Variants in DPYSL2 observed in about 807,000 individuals in gnomAD.
DPYSL2 encodes the protein dihydropyrimidinase like 2.
A neutral mutation model predicts 69.9 loss-of-function variants in DPYSL2; 13 were observed. That is an observed-to-expected ratio of 0.19 (90% CI 0.12 to 0.30). The LOEUF is 0.30. DPYSL2 is among the 10% of genes least tolerant of loss of function. The probability of loss-of-function intolerance (pLI) is 1.00; values close to 1 mark genes in which losing one functional copy is unlikely to be tolerated. For missense variants in DPYSL2, 587 were observed against 918.9 expected, an observed-to-expected ratio of 0.64 and a Z score of 4.67; for synonymous variants, 326 against 359.1, an observed-to-expected ratio of 0.91 and a Z score of 1.04.
At chr8:26,567,161 CAT>C (rs1429077072) in intron 1 of DPYSL2, among the ~76,000 whole-genome samples, 2 of 150,280 alleles carry the variant, frequency 1.3e-5, no homozygotes, top group Non-Finnish European at 3.0e-5. Context: ...TCTGCCCATC[CAT>C]CCATCCATCC....
chr8:26,541,493 C>T (rs1304770444), intron 1 of DPYSL2, among the ~76,000 whole-genome samples: 1 of 152,172 alleles, frequency 6.6e-6, no homozygotes. Context: ...AACACACACA[C>T]ATAAGCATAT....
rs1801091773 is a variant in DPYSL2 at position 26,562,651 on chromosome 8, G to A, written c.355-19318G>A. Among the ~76,000 whole-genome samples the A allele has an allele frequency of 1.3e-5, 2 of 152,104 alleles. No homozygotes were observed. The highest frequency in any genetic ancestry group is 4.8e-5 in the African/African-American group (2 of 41,398). ...GGTCCCTGCCTGCTGCTTTAACTTCGGTTGTACAAAGCAGATGTTACTGTG... is the reference window on the plus strand; with the variant it reads ...GGTCCCTGCCTGCTGCTTTAACTTCAGTTGTACAAAGCAGATGTTACTGTG... On this transcript the variant is annotated intron_variant, in intron 1 of 13. Coordinates refer to ENST00000521913, the MANE Select transcript of DPYSL2 (RefSeq NM_001197293.3). The surrounding 1 kb of genome is among the most constrained non-coding windows in gnomAD (Gnocchi z 4.9).
chr8:26,573,666 CAA>C (rs11437407), intron 1 of DPYSL2, among the ~76,000 whole-genome samples: 10,554 of 95,034 alleles, frequency 0.11, 497 homozygotes, highest in Middle Eastern at 0.19. Context: ...AAGACTGTCT[CAA>C]AAAAAAAAAA....
Position 26,644,777 on chromosome 8 carries a change from T to C in DPYSL2, c.1425+686T>C, listed in dbSNP as rs1219292680. 6.6e-6 allele frequency among the ~76,000 whole-genome samples: 1 copy of C among 152,158 alleles called. No individual in the cohort carries two copies. Among genetic ancestry groups the C allele is most frequent in the Non-Finnish European group, 1.5e-5 (1 of 68,020 alleles). Reference sequence around the variant, plus strand: ...TGGGCTCAATTTCCTTAAAAGTGTCTTTTAGGGCTCTCTGGACTTAGCATG... The same window carrying C: ...TGGGCTCAATTTCCTTAAAAGTGTCCTTTAGGGCTCTCTGGACTTAGCATG... On this transcript the variant is annotated intron_variant, in intron 10 of 13. Coordinates refer to ENST00000521913, the MANE Select transcript of DPYSL2 (RefSeq NM_001197293.3). The surrounding 1 kb of genome is among the most constrained non-coding windows in gnomAD (Gnocchi z 4.5).
rs561106059 is a variant in DPYSL2 at position 26,526,196 on chromosome 8, G to A, written c.354+11517G>A. Reference sequence around the variant, plus strand: ...TGCAACCGCTGCCTCCTGGGTTCAAGCGATTCTCCTGCCTCAGCCTCCCAA... The same window carrying A: ...TGCAACCGCTGCCTCCTGGGTTCAAACGATTCTCCTGCCTCAGCCTCCCAA... On this transcript the variant is annotated intron_variant, in intron 1 of 13. Transcript: ENST00000521913. 4.6e-5 allele frequency among the ~76,000 whole-genome samples: 7 copies of A among 152,298 alleles called. No homozygotes were observed. In the South Asian group the frequency reaches 1.5e-3, roughly 32 times the overall value.
chr8:26,556,365 GT>G (rs1800986145), intron 1 of DPYSL2, among the ~76,000 whole-genome samples: 2 of 43,700 alleles, frequency 4.6e-5, no homozygotes, highest in Non-Finnish European at 9.4e-5. Context: ...TATATATATA[GT>G]ATATATATAT....
At position 26,585,983 on chromosome 8, in the gene DPYSL2, A is replaced by G. The variant is rs1801591830; in HGVS notation, c.628+2000A>G. On this transcript the variant is annotated intron_variant, in intron 3 of 13. Transcript: ENST00000521913. This position sits in a 1 kb window ranked among gnomAD's most constrained non-coding sequence, Gnocchi z 4.0. ...GCTAGGCATGGTGGCATGCTCCTGG[A>G]GTCCCAGCTACTTGGGAGGCTGAGG... Among the ~76,000 whole-genome samples, 1 of 152,186 alleles carries G rather than the reference A, an allele frequency of 6.6e-6. No individual in the cohort carries two copies. The highest frequency in any genetic ancestry group is 2.4e-5 in the African/African-American group (1 of 41,450).
At chr8:26,596,199 G>A (rs1207154157) in intron 3 of DPYSL2, among the ~76,000 whole-genome samples, 1 of 152,194 alleles carries the variant, frequency 6.6e-6, no homozygotes, top group Non-Finnish European at 1.5e-5. Context: ...AATGGAAACT[G>A]GGCAGAAAGC....
At chr8:26,634,747 G>A (rs766954337) in intron 7 of DPYSL2, 33 bp from the exon 8 acceptor site, 1 of 1,613,358 alleles carries the variant, frequency 6.2e-7, no homozygotes, top group South Asian at 1.1e-5. Flanking sequence ...GGTGGGCTGA[G>A]CCACATTCTC....
intron 1 of DPYSL2, among the ~76,000 whole-genome samples, chr8:26,566,136 G>C (rs1801145576): frequency 6.6e-6 from 1 of 152,224 alleles, no homozygotes; most frequent in Admixed American, 6.5e-5. Flanking sequence ...CTTGGAGACA[G>C]AGATGAGGGT....
chr8:26,642,790 C>A lies in DPYSL2; in HGVS notation c.1127-649C>A, dbSNP rs1449150400. 1 of 152,230 alleles carries A rather than the reference C, an allele frequency of 6.6e-6. No individual in the cohort carries two copies. Among genetic ancestry groups the A allele is most frequent in the Admixed American group, 6.5e-5 (1 of 15,270 alleles). 9.4% of individuals were successfully genotyped at this position (152,230 alleles called of 1,614,324 possible). ...TAGGCTTCCAGAAACTCTGAAATCC[C>A]AGTGGCATAATGTCCAGTTTGTTTC... On this transcript the variant is annotated intron_variant, in intron 8 of 13. Coordinates refer to ENST00000521913, the MANE Select transcript of DPYSL2 (RefSeq NM_001197293.3). This position sits in a 1 kb window ranked among gnomAD's most constrained non-coding sequence, Gnocchi z 5.3.
At chr8:26,625,343 G>C (rs1394802155) in intron 4 of DPYSL2, among the ~76,000 whole-genome samples, 2 of 152,190 alleles carry the variant, frequency 1.3e-5, no homozygotes, top group Non-Finnish European at 2.9e-5. Flanking sequence ...TGATCATGCG[G>C]AGACTCCAAG....
intron 3 of DPYSL2, among the ~76,000 whole-genome samples, chr8:26,616,952 C>G (rs914188720): frequency 6.6e-6 from 1 of 152,220 alleles, no homozygotes; most frequent in Non-Finnish European, 1.5e-5. Context: ...CCCCTCCCTC[C>G]TGCTCCACGT....
At chr8:26,528,057 C>T (rs991273903) in intron 1 of DPYSL2, among the ~76,000 whole-genome samples, 23 of 152,166 alleles carry the variant, frequency 1.5e-4, no homozygotes, top group Admixed American at 1.5e-3. Flanking sequence ...TCCTCGACCT[C>T]CCAAAGTGCT....
In DPYSL2 at chr8:26,586,776, G is replaced by A. The variant is rs2129752612; in HGVS notation, c.628+2793G>A. On this transcript the variant is annotated intron_variant, in intron 3 of 13. Transcript: ENST00000521913. The surrounding 1 kb of genome is among the most constrained non-coding windows in gnomAD (Gnocchi z 4.7). ...CAGGTGGTCCGGAAAGGGGAGTGAGGAGTCTGACCGCCTGCTCTGCTTCCT... is the reference window on the plus strand; with the variant it reads ...CAGGTGGTCCGGAAAGGGGAGTGAGAAGTCTGACCGCCTGCTCTGCTTCCT... Among the ~76,000 whole-genome samples the A allele has an allele frequency of 6.6e-6, 1 of 152,318 alleles. No individual in the cohort carries two copies. The highest frequency in any genetic ancestry group is 2.1e-4 in the South Asian group (1 of 4,830).
chr8:26,524,025 C>T (rs1394377341), intron 1 of DPYSL2, among the ~76,000 whole-genome samples: 6 of 152,150 alleles, frequency 3.9e-5, no homozygotes, highest in African/African-American at 9.7e-5. Flanking sequence ...TCAATTCTTT[C>T]GAGTGTGTAC....
At position 26,655,888 on chromosome 8, in the gene DPYSL2, G is replaced by A; in HGVS notation, c.*182G>A. 2.1e-6 allele frequency: 1 copy of A among 487,532 alleles called. No individual in the cohort carries two copies. Among genetic ancestry groups the A allele is most frequent in the South Asian group, 4.9e-5 (1 of 20,268 alleles). 30.2% of individuals were successfully genotyped at this position (487,532 alleles called of 1,614,324 possible). A position where few individuals can be genotyped will look rare whatever the true frequency, so the allele number is the denominator to read the frequency against. ...CCCCACACCCCGTCTCTCACCAAGA[G>A]TTACTGATTTTGCTCATCCACTTCC... On this transcript the variant is annotated 3_prime_UTR_variant, in exon 14 of 14. Transcript: ENST00000521913.
chr8:26,645,354 C>T (rs895087501), intron 10 of DPYSL2, among the ~76,000 whole-genome samples: 2 of 152,084 alleles, frequency 1.3e-5, no homozygotes, highest in African/African-American at 4.8e-5. Context: ...TGAGCCATGA[C>T]TGGGCCACTG....
chr8:26,536,488 T>G (rs896059341), intron 1 of DPYSL2, among the ~76,000 whole-genome samples: 1 of 151,982 alleles, frequency 6.6e-6, no homozygotes, highest in Non-Finnish European at 1.5e-5. Flanking sequence ...CTGGTTAACA[T>G]GGTGAAACGC....
Sources: gnomAD v4.1 joint callset for allele counts (sites outside exome capture counted in the v4.1 genomes callset) on GRCh38, gnomAD v4.1.1 for gene constraint, Gnocchi (gnomAD v3.1) non-coding constraint, MANE v1.5 for transcripts, NCBI Gene and HGNC (gene_info 2026-07-23, HGNC 2026-07-21) for gene names.